The following PTPRN2 variants were observed in gnomAD, a reference collection of about 807,000 sequenced individuals.
The protein encoded by PTPRN2 is receptor-type tyrosine-protein phosphatase N2.
A neutral mutation model predicts 118.8 loss-of-function variants in PTPRN2; 74 were observed. The ratio of observed to expected loss-of-function variants is 0.62; its 90% CI spans 0.52 to 0.76. The LOEUF is 0.76. Ranked by LOEUF, PTPRN2 falls within the 30% of genes least tolerant of loss-of-function variation. PTPRN2 has a pLI of 0.00. For synonymous variants in PTPRN2, 641 were observed against 608.0 expected (o/e 1.05, Z -0.80); for missense variants, 1,481 against 1,394.4 (o/e 1.06, Z -0.99).
Position 158,345,862 on chromosome 7 carries a change from G to A in PTPRN2, c.164-28930C>T, listed in dbSNP as rs113745064. Reference sequence around the variant, plus strand: ...GAAGCAAGCACCTTCTTCCTGAGGCGGCAGAAGGAGTGGGGGTGGGGGGAG... The same window carrying A: ...GAAGCAAGCACCTTCTTCCTGAGGCAGCAGAAGGAGTGGGGGTGGGGGGAG... On this transcript the variant is annotated intron_variant, in intron 2 of 22. Transcript: ENST00000389418. 4.3e-3 allele frequency among the ~76,000 whole-genome samples: 655 copies of A among 152,230 alleles called. 8 individuals are homozygous for A. The highest frequency in any genetic ancestry group is 0.015 in the African/African-American group (615 of 41,518).
At chr7:157,899,323 C>T (rs1427588783) in intron 11 of PTPRN2, among the ~76,000 whole-genome samples, 2 of 152,128 alleles carry the variant, frequency 1.3e-5, no homozygotes, top group African/African-American at 2.4e-5. Context: ...GAATTGCACT[C>T]GATGGCAAAC....
chr7:158,287,133 A>G (rs113444795), intron 3 of PTPRN2, among the ~76,000 whole-genome samples: 3 of 152,260 alleles, frequency 2.0e-5, no homozygotes, highest in African/African-American at 7.2e-5. Context: ...TTTGGCATAT[A>G]ATTGTTCATA....
rs28661397 is a variant in PTPRN2 at position 157,862,846 on chromosome 7, T to C, written c.1788+35827A>G. On this transcript the variant is annotated intron_variant, in intron 12 of 22. Transcript: ENST00000389418. ...GAGGTGCGCGGGAAGCGGCGAGGTG[T>C]GCGGGAAGCGGCGAGGACCGGCTTT... is the stretch of plus-strand genomic sequence containing the variant. 1,082 of 152,244 alleles carry C rather than the reference T, an allele frequency of 7.1e-3. 10 individuals carry two copies. Among genetic ancestry groups the C allele is most frequent in the African/African-American group, 0.018 (722 of 41,108 alleles). 9.4% of individuals were successfully genotyped at this position (152,244 alleles called of 1,614,324 possible).
At position 157,947,200 on chromosome 7, in the gene PTPRN2, T is replaced by A. The variant is rs144998154; in HGVS notation, c.1724-48463A>T. 4.6e-3 allele frequency among the ~76,000 whole-genome samples: 535 copies of A among 117,222 alleles called. 5 individuals are homozygous for A. The highest frequency in any genetic ancestry group is 0.018 in the African/African-American group (486 of 26,912). 76.9% of individuals were successfully genotyped at this position (117,222 alleles called of 152,430 possible). Reference sequence around the variant, plus strand: ...TCTTCCAAGTGGGCCAAAGACTCCATCAGGTCGAGTAGTGACATGGAAATC... The same window carrying A: ...TCTTCCAAGTGGGCCAAAGACTCCAACAGGTCGAGTAGTGACATGGAAATC... On this transcript the variant is annotated intron_variant, in intron 11 of 22. Coordinates refer to ENST00000389418, the MANE Select transcript of PTPRN2 (RefSeq NM_002847.5).
At chr7:158,279,107 G>A (rs914114624) in intron 3 of PTPRN2, among the ~76,000 whole-genome samples, 2 of 152,288 alleles carry the variant, frequency 1.3e-5, no homozygotes, top group East Asian at 1.9e-4. Flanking sequence ...GGACCCAACC[G>A]GTTTGCTGCT....
At chr7:157,805,271 GA>G (rs1414621378) in intron 12 of PTPRN2, among the ~76,000 whole-genome samples, 1 of 147,894 alleles carries the variant, frequency 6.8e-6, no homozygotes, top group Non-Finnish European at 1.5e-5. Context: ...AAGAAGCATA[GA>G]AAAAATATAT....
chr7:158,068,520 T>C lies in PTPRN2; in HGVS notation c.1723+12778A>G, dbSNP rs1358149819. Among the ~76,000 whole-genome samples the C allele has an allele frequency of 3.3e-5, 5 of 152,244 alleles. No individual in the cohort carries two copies. In the East Asian group the frequency reaches 9.6e-4, roughly 29 times the overall value. On this transcript the variant is annotated intron_variant, in intron 11 of 22. Coordinates refer to ENST00000389418, the MANE Select transcript of PTPRN2 (RefSeq NM_002847.5). The stretch of plus-strand genomic sequence containing the variant: ...GTCCTCAGGGAAGCATGGGCCTGCA[T>C]TGGTACGGCTTCACTTTAAAAATGC...
intron 9 of PTPRN2, among the ~76,000 whole-genome samples, chr7:158,133,075 C>T (rs1051234727): frequency 2.0e-5 from 3 of 152,218 alleles, no homozygotes; most frequent in African/African-American, 4.8e-5. Context: ...TTCTGAGACT[C>T]GTTAAGTTCA....
At chr7:158,099,783 A>C (rs985832660) in intron 10 of PTPRN2, among the ~76,000 whole-genome samples, 6 of 566 alleles carry the variant, frequency 0.011, no homozygotes, top group East Asian at 0.1. Flanking sequence ...CCTCCCCCCA[A>C]CACATCCCGG....
intron 4 of PTPRN2, among the ~76,000 whole-genome samples, chr7:158,194,196 G>C (rs571512223): frequency 6.6e-6 from 1 of 152,324 alleles, no homozygotes; most frequent in Admixed American, 6.5e-5. Context: ...GTTTGTCTGT[G>C]TATGTGTGCG....
intron 12 of PTPRN2, among the ~76,000 whole-genome samples, chr7:157,710,363 C>T (rs111511794): frequency 4.9e-4 from 74 of 152,238 alleles, no homozygotes; most frequent in African/African-American, 1.8e-3. Flanking sequence ...AATCTCAGCA[C>T]TTTGGGAGGC....
intron 17 of PTPRN2, among the ~76,000 whole-genome samples, chr7:157,592,921 ACGGAGGG>A (rs1801076438): frequency 1.5e-5 from 2 of 137,096 alleles, no homozygotes; most frequent in African/African-American, 5.7e-5. Context: ...TTCACGCAGG[ACGGAGGG>A]TGGATGTGGC....
At chr7:157,741,219 C>T (rs538688183) in intron 12 of PTPRN2, among the ~76,000 whole-genome samples, 3 of 152,330 alleles carry the variant, frequency 2.0e-5, no homozygotes, top group Admixed American at 6.5e-5. Flanking sequence ...GATTTCCTCA[C>T]TTTTTAAAAT....
rs116890852 is a variant in PTPRN2 at position 157,576,701 on chromosome 7, C to G, written c.2695G>C (p.Glu899Gln). The G allele has an allele frequency of 8.7e-6, 14 of 1,610,912 alleles. No individual in the cohort carries two copies. In the South Asian group the frequency reaches 1.3e-4, roughly 15 times the overall value. The change falls in exon 19 of 23, where the codon GAG becomes CAG. Residue 899 changes from glutamate (E) to glutamine (Q), a missense_variant. Glu to Gln is a conservative substitution (Grantham distance 29). Transcript: ENST00000389418. ...SFYLKNLQTN[E>Q]TRTVTQFHFL... Reference sequence around the variant, plus strand: ...TGGAACTGCGTCACGGTGCGCGTCTCGTTGGTCTGCAGGTTCTTCAGATAG... The same window carrying G: ...TGGAACTGCGTCACGGTGCGCGTCTGGTTGGTCTGCAGGTTCTTCAGATAG...
At position 157,772,332 on chromosome 7, in the gene PTPRN2, TACAC is replaced by T. The variant is rs1422585307; in HGVS notation, c.1789-89399_1789-89396del. On this transcript the variant is annotated intron_variant, in intron 12 of 22. Coordinates refer to ENST00000389418, the MANE Select transcript of PTPRN2 (RefSeq NM_002847.5). ...ACACACATAGACACAGACACACACA[TACAC>T]ACAGACATACACACACACACATACA... is the stretch of plus-strand genomic sequence containing the variant. Among the ~76,000 whole-genome samples, 321 of 83,530 alleles carry T rather than the reference TACAC, an allele frequency of 3.8e-3. 3 individuals are homozygous for T. The highest frequency in any genetic ancestry group is 0.02 in the African/African-American group (309 of 15,300). The allele number at this position is 83,530 out of a possible 152,430, so 54.8% of individuals were successfully genotyped here.
intron 12 of PTPRN2, among the ~76,000 whole-genome samples, chr7:157,770,216 C>A (rs1389159816): frequency 1.3e-5 from 2 of 152,224 alleles, no homozygotes; most frequent in Admixed American, 6.5e-5. Flanking sequence ...ATATTGGAAC[C>A]ATGCTTAGCT....
At chr7:158,160,387 G>A (rs1822252420) in intron 6 of PTPRN2, among the ~76,000 whole-genome samples, 5 of 152,102 alleles carry the variant, frequency 3.3e-5, no homozygotes, top group Admixed American at 2.6e-4. Context: ...CTTTCCTTCT[G>A]CTGCCCTGGA....
chr7:158,540,031 G>T (rs113715043), intron 1 of PTPRN2, among the ~76,000 whole-genome samples: 4,171 of 150,916 alleles, frequency 0.028, 177 homozygotes, highest in African/African-American at 0.089. Context: ...GGGGACATAC[G>T]GTGAGCCTGG....
chr7:158,013,727 C>A (rs1398286950), intron 11 of PTPRN2, among the ~76,000 whole-genome samples: 1 of 51,964 alleles, frequency 1.9e-5, no homozygotes, highest in Non-Finnish European at 4.0e-5. Flanking sequence ...AGCCAGCCAC[C>A]CACTCATCCA....
Sources: allele counts gnomAD v4.1 joint callset (sites outside exome capture counted in the v4.1 genomes callset), GRCh38; gene constraint gnomAD v4.1.1; transcripts MANE v1.5; gene names NCBI Gene and HGNC (gene_info 2026-07-23, HGNC 2026-07-21).